PTPRM: variants seen among roughly 807,000 people sequenced by gnomAD.
PTPRM encodes receptor-type tyrosine-protein phosphatase mu.
A neutral mutation model predicts 186.7 loss-of-function variants in PTPRM; 47 were observed. That is an observed-to-expected ratio of 0.25 (90% CI 0.20 to 0.32). PTPRM has a LOEUF of 0.32. Ranked by LOEUF, PTPRM falls within the 10% of genes least tolerant of loss-of-function variation. The pLI, the probability that PTPRM is intolerant of heterozygous loss-of-function variation, is 1.00. For synonymous variants in PTPRM, 668 were observed against 674.9 expected (o/e 0.99, Z 0.16); for missense variants, 1,494 against 1,865.0 (o/e 0.80, Z 3.66).
rs531140336 is a variant in PTPRM at position 8,256,502 on chromosome 18, C to T, written c.2754+3088C>T. On this transcript the variant is annotated intron_variant, in intron 19 of 32. Coordinates refer to ENST00000580170, the MANE Select transcript of PTPRM (RefSeq NM_001105244.2). ...GTTAGGTAGTAGAAGAAAAAAAATA[C>T]TAATGTATAATAAGACCAAGAGCAG... Among the ~76,000 whole-genome samples the T allele has an allele frequency of 3.3e-5, 5 of 152,240 alleles. No homozygotes were observed. In the East Asian group the frequency reaches 7.7e-4, roughly 23 times the overall value.
chr18:7,819,813 G>A (rs1358100097), intron 2 of PTPRM, among the ~76,000 whole-genome samples: 2 of 152,116 alleles, frequency 1.3e-5, no homozygotes, highest in Admixed American at 1.3e-4. Flanking sequence ...TTTGAGCTGT[G>A]GGGCGCTGAA....
intron 11 of PTPRM, 118 bp downstream of exon 11, chr18:8,088,969 A>G: frequency 1.3e-6 from 1 of 758,084 alleles, no homozygotes; most frequent in Non-Finnish European, 2.2e-6. Flanking sequence ...GTAAATCCAT[A>G]TGTTTATTAG....
chr18:7,737,531 T>C (rs74404963), intron 1 of PTPRM, among the ~76,000 whole-genome samples: 1 of 152,234 alleles, frequency 6.6e-6, no homozygotes, highest in Admixed American at 6.5e-5. Context: ...TCCCATAGAT[T>C]AGACAGACTC....
At chr18:7,677,036 C>T (rs1489215574) in intron 1 of PTPRM, among the ~76,000 whole-genome samples, 1 of 152,060 alleles carries the variant, frequency 6.6e-6, no homozygotes, top group Admixed American at 6.5e-5. Context: ...TTCCTCTGAC[C>T]TTTTTTTAGA....
chr18:7,949,056 G>A, intron 5 of PTPRM, 125 bp from the exon 6 acceptor site: 1 of 877,530 alleles, frequency 1.1e-6, no homozygotes, highest in Non-Finnish European at 1.7e-6. Context: ...CTGCCCATGG[G>A]TAATAAGCAA....
intron 2 of PTPRM, among the ~76,000 whole-genome samples, chr18:7,792,143 A>G (rs1034085862): frequency 6.6e-6 from 1 of 152,338 alleles, no homozygotes; most frequent in East Asian, 1.9e-4. Context: ...AAGTAAACGG[A>G]TTTTTAATAC....
chr18:7,706,601 CAAA>C (rs766639399), intron 1 of PTPRM, among the ~76,000 whole-genome samples: 9 of 16,142 alleles, frequency 5.6e-4, no homozygotes, highest in African/African-American at 1.5e-3. Context: ...GACCTTGTCT[CAAA>C]AAAAAAAAAA....
intron 14 of PTPRM, among the ~76,000 whole-genome samples, chr18:8,166,431 A>T (rs1384459863): frequency 6.6e-6 from 1 of 152,194 alleles, no homozygotes; most frequent in African/African-American, 2.4e-5. Context: ...TATGTGTGAC[A>T]TCTGTAAGGA....
rs761016384 is a variant in PTPRM at position 8,162,102 on chromosome 18, C to CT, written c.2300+18337dup. Among the ~76,000 whole-genome samples, 826 of 142,210 alleles carry CT rather than the reference C, an allele frequency of 5.8e-3. 2 individuals are homozygous for CT. The highest frequency in any genetic ancestry group is 0.046 in the Middle Eastern group (12 of 262). The allele number at this position is 142,210 out of a possible 152,430, so 93.3% of individuals were successfully genotyped here. Reference sequence around the variant, plus strand: ...CAGTTAAATTTTGTGGGGTTTTTTTCTTTTTTTTTTTTTTCCTACGGAGTT... The same window carrying CT: ...CAGTTAAATTTTGTGGGGTTTTTTTCTTTTTTTTTTTTTTTCCTACGGAGTT... On this transcript the variant is annotated intron_variant, in intron 14 of 32. Transcript: ENST00000580170.
At position 7,955,114 on chromosome 18, in the gene PTPRM, C is replaced by T; in HGVS notation, c.839-7C>T. On this transcript the variant is annotated splice_polypyrimidine_tract_variant and splice_region_variant and intron_variant, in intron 6 of 32. Coordinates refer to ENST00000580170, the MANE Select transcript of PTPRM (RefSeq NM_001105244.2). ...TCTGAAAGACAGCTTTCTGGTTTGT[C>T]TTTCAGAACCACCCGTTCCTATTGC... The T allele has an allele frequency of 6.3e-7, 1 of 1,585,044 alleles. No individual in the cohort carries two copies. Among genetic ancestry groups the T allele is most frequent in the Non-Finnish European group, 8.6e-7 (1 of 1,160,670 alleles).
intron 1 of PTPRM, among the ~76,000 whole-genome samples, chr18:7,657,901 C>G (rs1422340344): frequency 6.6e-6 from 1 of 152,138 alleles, no homozygotes; most frequent in African/African-American, 2.4e-5. Context: ...TCCCCTCCCC[C>G]AGTTTTACTG....
intron 14 of PTPRM, among the ~76,000 whole-genome samples, chr18:8,206,438 C>T (rs1052771834): frequency 3.3e-5 from 5 of 151,856 alleles, no homozygotes; most frequent in South Asian, 2.1e-4. Context: ...TTAGTAGAGA[C>T]GGGGTTTCAC....
At position 7,884,953 on chromosome 18, in the gene PTPRM, G is replaced by GAAAAAAAAAAAA. The variant is rs2048708561; in HGVS notation, c.197-3152_197-3151insAAAAAAAAAAAA. 8.2e-4 allele frequency among the ~76,000 whole-genome samples: 91 copies of GAAAAAAAAAAAA among 110,494 alleles called. 1 individual carries two copies. Among genetic ancestry groups the GAAAAAAAAAAAA allele is most frequent in the Non-Finnish European group, 1.3e-3 (66 of 50,750 alleles). The allele number at this position is 110,494 out of a possible 152,430, so 72.5% of individuals were successfully genotyped here. A position where few individuals can be genotyped will look rare whatever the true frequency, so the allele number is the denominator to read the frequency against. ...AAAAAAAAAAAAAAAAAAAAAAAAGGAGAGAGAGAAAATAGCAGATCTTGT... is the reference window on the plus strand; with the variant it reads ...AAAAAAAAAAAAAAAAAAAAAAAAGGAAAAAAAAAAAAAGAGAGAGAAAATAGCAGATCTTGT... On this transcript the variant is annotated intron_variant, in intron 2 of 32. Transcript: ENST00000580170.
At chr18:7,578,082 C>CT (rs2036736693) in intron 1 of PTPRM, among the ~76,000 whole-genome samples, 1 of 152,102 alleles carries the variant, frequency 6.6e-6, no homozygotes, top group Non-Finnish European at 1.5e-5. Context: ...CCTTCTACCT[C>CT]TAAGTAGCCA....
chr18:7,700,817 C>G (rs1170356676), intron 1 of PTPRM, among the ~76,000 whole-genome samples: 2 of 151,344 alleles, frequency 1.3e-5, no homozygotes, highest in African/African-American at 4.9e-5. Context: ...ATGGCGAAAC[C>G]CATGTCTACA....
chr18:8,194,823 A>G (rs916094040), intron 14 of PTPRM, among the ~76,000 whole-genome samples: 6 of 152,192 alleles, frequency 3.9e-5, no homozygotes, highest in African/African-American at 1.2e-4. Context: ...AGTCACTTAG[A>G]GTGACGCAGT....
intron 7 of PTPRM, among the ~76,000 whole-genome samples, chr18:8,007,262 A>G (rs1019774332): frequency 6.6e-6 from 1 of 152,174 alleles, no homozygotes; most frequent in African/African-American, 2.4e-5. Flanking sequence ...ACGCTTCTCA[A>G]AACACTTGGT....
chr18:7,949,071 A>G (rs1231332440), intron 5 of PTPRM, 110 bp from the exon 6 acceptor site: 21 of 1,092,406 alleles, frequency 1.9e-5, no homozygotes, highest in Non-Finnish European at 2.5e-5. Flanking sequence ...AAGCAACTGC[A>G]CCAAGGTCTG....
intron 29 of PTPRM, 148 bp from the exon 30 acceptor site, chr18:8,384,413 G>A (rs946991276): frequency 4.7e-6 from 4 of 854,758 alleles, no homozygotes; most frequent in South Asian, 1.9e-5. Context: ...AGCCATGATC[G>A]CACCACTGCA....
Sources: allele counts gnomAD v4.1 joint callset (sites outside exome capture counted in the v4.1 genomes callset), GRCh38; gene constraint gnomAD v4.1.1; transcripts MANE v1.5; gene names NCBI Gene and HGNC (gene_info 2026-07-23, HGNC 2026-07-21).